The following ADAM10 variants were observed in gnomAD, a reference collection of about 807,000 sequenced individuals.
ADAM10 encodes ADAM metallopeptidase domain 10.
A neutral mutation model predicts 90.1 loss-of-function variants in ADAM10; 17 were observed. That is an observed-to-expected ratio of 0.19 (90% confidence interval 0.13 to 0.28). The LOEUF is 0.28. ADAM10 is among the 10% of genes least tolerant of loss of function. The pLI is 1.00. For missense variants in ADAM10, 610 were observed against 914.3 expected (o/e 0.67, Z 4.29); for synonymous variants, 310 against 298.6 (o/e 1.04, Z -0.40).
At position 58,656,974 on chromosome 15, in the gene ADAM10, G is replaced by C. The variant is rs143951114; in HGVS notation, c.585+8123C>G. Among the ~76,000 whole-genome samples, 606 of 152,150 alleles carry C rather than the reference G, an allele frequency of 4.0e-3. 4 individuals carry two copies. The highest frequency in any genetic ancestry group is 0.014 in the African/African-American group (584 of 41,520). ...TATTTCCCTGAATATACTGCTATAG[G>C]ATAAAAAATTTTTTCCTTCAGCACT... On this transcript the variant is annotated intron_variant, in intron 5 of 15. Transcript: ENST00000260408.
chr15:58,667,725 G>C (rs1230207965), intron 4 of ADAM10, among the ~76,000 whole-genome samples: 2 of 151,812 alleles, frequency 1.3e-5, no homozygotes, highest in African/African-American at 4.8e-5. Flanking sequence ...ACATCAACAA[G>C]GATTCACTGA....
At chr15:58,651,705 G>A (rs1011798458) in intron 5 of ADAM10, among the ~76,000 whole-genome samples, 6 of 152,156 alleles carry the variant, frequency 3.9e-5, no homozygotes, top group Admixed American at 3.9e-4. Flanking sequence ...ATTGTGAACA[G>A]TGCAGCAACA....
chr15:58,681,684 C>T (rs1202708201), intron 3 of ADAM10, among the ~76,000 whole-genome samples: 1 of 152,056 alleles, frequency 6.6e-6, no homozygotes, highest in African/African-American at 2.4e-5. Context: ...GCCACTGATG[C>T]CCCCCAACAT....
At chr15:58,689,677 T>C (rs1897719816) in intron 2 of ADAM10, among the ~76,000 whole-genome samples, 1 of 152,016 alleles carries the variant, frequency 6.6e-6, no homozygotes, top group East Asian at 1.9e-4. Context: ...AGTAATATTA[T>C]GAGCATAATG....
At chr15:58,717,226 T>C (rs767774633) in intron 2 of ADAM10, among the ~76,000 whole-genome samples, 6 of 152,124 alleles carry the variant, frequency 3.9e-5, no homozygotes, top group Non-Finnish European at 7.4e-5. Context: ...GGCATATAAG[T>C]AGTTACCTTC....
Position 58,589,726 on chromosome 15 carries a change from T to A in ADAM10, c.*7821A>T, listed in dbSNP as rs146459664. On this transcript the variant is annotated 3_prime_UTR_variant, in exon 16 of 16. Coordinates refer to ENST00000260408, the MANE Select transcript of ADAM10 (RefSeq NM_001110.4). ...TGGTGTGTGCTATGAGAGAAAGATG[T>A]ATAAAATTCCAGGGCACAGCAGGTC... 1 of 152,362 alleles carries A rather than the reference T, an allele frequency of 6.6e-6. No individual in the cohort carries two copies. The highest frequency in any genetic ancestry group is 1.9e-4 in the East Asian group (1 of 5,174). The allele number at this position is 152,362 out of a possible 1,614,324, so 9.4% of individuals were successfully genotyped here. A position where few individuals can be genotyped will look rare whatever the true frequency, so the allele number is the denominator to read the frequency against.
intron 7 of ADAM10, 92 bp downstream of exon 7, chr15:58,643,794 G>C: frequency 9.5e-7 from 1 of 1,047,746 alleles, no homozygotes; most frequent in Non-Finnish European, 1.5e-6. Flanking sequence ...AATTCATAAA[G>C]ATAAAATTAA....
intron 4 of ADAM10, among the ~76,000 whole-genome samples, chr15:58,677,197 G>T (rs1188204092): frequency 6.6e-6 from 1 of 152,124 alleles, no homozygotes; most frequent in African/African-American, 2.4e-5. Flanking sequence ...TCAATTACCT[G>T]AGAAGCTACA....
At chr15:58,702,864 A>C (rs1898172027) in intron 2 of ADAM10, among the ~76,000 whole-genome samples, 1 of 152,222 alleles carries the variant, frequency 6.6e-6, no homozygotes, top group African/African-American at 2.4e-5. Context: ...TAAATAGTAG[A>C]AAGAAGCCAG....
At chr15:58,650,498 C>A (rs1157345881) in intron 5 of ADAM10, among the ~76,000 whole-genome samples, 18 of 152,116 alleles carry the variant, frequency 1.2e-4, no homozygotes, top group Admixed American at 3.3e-4. Context: ...AAGGTCCCAA[C>A]CAAAAGCTCT....
chr15:58,619,619 T>C (rs926448738), intron 11 of ADAM10, among the ~76,000 whole-genome samples: 1 of 151,980 alleles, frequency 6.6e-6, no homozygotes, highest in Admixed American at 6.6e-5. Flanking sequence ...AAAAATGGAA[T>C]AGGGGCCGGG....
intron 7 of ADAM10, 50 bp downstream of exon 7, chr15:58,643,836 G>T: frequency 1.5e-6 from 2 of 1,318,200 alleles, no homozygotes; most frequent in Non-Finnish European, 2.2e-6. Flanking sequence ...TGTAAACATA[G>T]TCTGGACTGT....
intron 4 of ADAM10, among the ~76,000 whole-genome samples, chr15:58,666,646 CATTGGTT>C (rs1432504554): frequency 6.6e-6 from 1 of 151,774 alleles, no homozygotes; most frequent in Non-Finnish European, 1.5e-5. Context: ...ACTCACTTAC[CATTGGTT>C]ATTAATGTAT....
In ADAM10 at chr15:58,749,697, G is replaced by C. The variant is rs200668768; in HGVS notation, c.-163C>G. Reference sequence around the variant, plus strand: ...GCACCTCCCTCTCGCTCCACTTCAGGGGCCGGCAACGCTCCTAGCTCCTCC... The same window carrying C: ...GCACCTCCCTCTCGCTCCACTTCAGCGGCCGGCAACGCTCCTAGCTCCTCC... On this transcript the variant is annotated 5_prime_UTR_variant, in exon 1 of 16. Transcript: ENST00000260408. 23 of 1,428,400 alleles carry C rather than the reference G, an allele frequency of 1.6e-5. No individual in the cohort carries two copies. In the African/African-American group the frequency reaches 3.4e-4, roughly 21 times the overall value. 88.5% of individuals were successfully genotyped at this position (1,428,400 alleles called of 1,614,324 possible). A position where few individuals can be genotyped will look rare whatever the true frequency, so the allele number is the denominator to read the frequency against.
rs184698347 is a variant in ADAM10 at position 58,618,187 on chromosome 15, T to C, written c.1511+3284A>G. Among the ~76,000 whole-genome samples the C allele has an allele frequency of 1.9e-4, 29 of 152,106 alleles. No homozygotes were observed. The East Asian group carries it at 2.3e-3, about 12-fold the overall frequency. Reference sequence around the variant, plus strand: ...ACATAAAAACAGACACATTAACCAATGAAACAGAATAGAGAATTCAGAAAT... The same window carrying C: ...ACATAAAAACAGACACATTAACCAACGAAACAGAATAGAGAATTCAGAAAT... On this transcript the variant is annotated intron_variant, in intron 11 of 15. Coordinates refer to ENST00000260408, the MANE Select transcript of ADAM10 (RefSeq NM_001110.4).
intron 14 of ADAM10, among the ~76,000 whole-genome samples, chr15:58,608,853 G>A (rs1175632854): frequency 6.6e-6 from 1 of 152,212 alleles, no homozygotes; most frequent in African/African-American, 2.4e-5. Context: ...AAAATGCTAT[G>A]TTTAGATATG....
chr15:58,716,942 G>A (rs1898680565), intron 2 of ADAM10, among the ~76,000 whole-genome samples: 1 of 152,118 alleles, frequency 6.6e-6, no homozygotes, highest in Non-Finnish European at 1.5e-5. Context: ...TAAAATCAGT[G>A]CTGTGTAAGT....
At chr15:58,687,520 T>G (rs567539069) in intron 2 of ADAM10, among the ~76,000 whole-genome samples, 1 of 152,184 alleles carries the variant, frequency 6.6e-6, no homozygotes, top group African/African-American at 2.4e-5. Context: ...GAAGGATACA[T>G]TATTTGTGTT....
At chr15:58,660,380 C>CT (rs1236085316) in intron 5 of ADAM10, among the ~76,000 whole-genome samples, 1 of 151,852 alleles carries the variant, frequency 6.6e-6, no homozygotes, top group African/African-American at 2.4e-5. Flanking sequence ...AAAACTGTGT[C>CT]TTTTCATTTA....
Sources: gnomAD v4.1 joint callset for allele counts (sites outside exome capture counted in the v4.1 genomes callset) on GRCh38, gnomAD v4.1.1 for gene constraint, MANE v1.5 for transcripts, NCBI Gene and HGNC (gene_info 2026-07-23, HGNC 2026-07-21) for gene names.